The following CACNA2D3 variants were observed in gnomAD, a reference collection of about 807,000 sequenced individuals.
CACNA2D3 encodes voltage-dependent calcium channel subunit alpha-2/delta-3.
CACNA2D3 carries 60 observed loss-of-function variants against 160.6 expected under a neutral mutation model. The observed-to-expected ratio is 0.37, with a 90% CI of 0.30 to 0.46. The LOEUF (loss-of-function observed/expected upper bound fraction) is 0.46. Ranked by LOEUF, CACNA2D3 falls within the 20% of genes least tolerant of loss-of-function variation. The pLI, the probability that CACNA2D3 is intolerant of heterozygous loss-of-function variation, is 1.00. For missense variants in CACNA2D3, 1,205 were observed against 1,365.0 expected, an observed-to-expected ratio of 0.88 and a Z score of 1.85; for synonymous variants, 558 against 492.9, an observed-to-expected ratio of 1.13 and a Z score of -1.75.
chr3:54,210,746 T>G (rs1205772914), intron 2 of CACNA2D3, among the ~76,000 whole-genome samples: 1 of 152,182 alleles, frequency 6.6e-6, no homozygotes, highest in Non-Finnish European at 1.5e-5. Context: ...TGTTGTTCAT[T>G]GTTCCCCTGA....
chr3:54,360,158 T>C (rs1230680971), intron 3 of CACNA2D3, among the ~76,000 whole-genome samples: 1 of 152,214 alleles, frequency 6.6e-6, no homozygotes, highest in African/African-American at 2.4e-5. Context: ...GTATCATCTT[T>C]GCACTGAAAC....
intron 3 of CACNA2D3, among the ~76,000 whole-genome samples, chr3:54,377,516 A>G (rs931212688): frequency 6.6e-6 from 1 of 152,188 alleles, no homozygotes; most frequent in African/African-American, 2.4e-5. Flanking sequence ...CCCTGTCTTA[A>G]TAATATTTTA....
intron 14 of CACNA2D3, among the ~76,000 whole-genome samples, chr3:54,818,070 A>G (rs2106715865): frequency 6.6e-6 from 1 of 152,320 alleles, no homozygotes; most frequent in South Asian, 2.1e-4. Flanking sequence ...TCTCTGCCTA[A>G]AAATGGACCA....
intron 9 of CACNA2D3, among the ~76,000 whole-genome samples, chr3:54,596,222 C>G (rs1702951722): frequency 6.6e-6 from 1 of 152,046 alleles, no homozygotes; most frequent in Non-Finnish European, 1.5e-5. Flanking sequence ...CCCCCCATAT[C>G]TAGTCTAGCT....
At chr3:54,391,007 A>AT in intron 4 of CACNA2D3, among the ~76,000 whole-genome samples, 1 of 149,338 alleles carries the variant, frequency 6.7e-6, no homozygotes, top group South Asian at 2.1e-4. Flanking sequence ...TCATACTGAA[A>AT]AATAAAAAGT....
chr3:54,463,932 T>C (rs1036539113), intron 4 of CACNA2D3, among the ~76,000 whole-genome samples: 16 of 152,172 alleles, frequency 1.1e-4, no homozygotes, highest in Admixed American at 9.2e-4. Flanking sequence ...ATGATGGCGA[T>C]GTACAGATGG....
chr3:54,539,897 C>T (rs1701945363), intron 5 of CACNA2D3, among the ~76,000 whole-genome samples: 1 of 152,258 alleles, frequency 6.6e-6, no homozygotes, highest in Admixed American at 6.5e-5. Context: ...TGCTGACGAG[C>T]AGGCCCTGCT....
At chr3:54,500,594 CTCTT>C (rs1701278997) in intron 4 of CACNA2D3, among the ~76,000 whole-genome samples, 1 of 143,902 alleles carries the variant, frequency 6.9e-6, no homozygotes, top group Non-Finnish European at 1.5e-5. Context: ...TTCTTTCTTT[CTCTT>C]TTTCTTTCCT....
chr3:54,676,659 G>A (rs1049169932), intron 11 of CACNA2D3, among the ~76,000 whole-genome samples: 10 of 152,202 alleles, frequency 6.6e-5, no homozygotes, highest in South Asian at 4.1e-4. Context: ...CCAGTGAGCA[G>A]AGACTGAATC....
intron 4 of CACNA2D3, among the ~76,000 whole-genome samples, chr3:54,391,839 G>T (rs75773882): frequency 6.6e-6 from 1 of 152,108 alleles, no homozygotes; most frequent in Non-Finnish European, 1.5e-5. Flanking sequence ...GTGGACACTG[G>T]TGTCAGTTCA....
At chr3:54,970,899 C>T (rs946013529) in intron 29 of CACNA2D3, among the ~76,000 whole-genome samples, 11 of 151,878 alleles carry the variant, frequency 7.2e-5, no homozygotes, top group Non-Finnish European at 1.6e-4. Context: ...TATTTATATT[C>T]CTTCTGCTTA....
chr3:54,927,893 A>G, intron 27 of CACNA2D3: 1 of 1,613,668 alleles, frequency 6.2e-7, no homozygotes, highest in South Asian at 1.1e-5. Context: ...ACGGGAATTG[A>G]TCAGGGCTCA....
In CACNA2D3 at chr3:54,891,404, C is replaced by G. The variant is rs776819421; in HGVS notation, c.2200C>G (p.Leu734Val). The change falls in exon 25 of 38, where the codon CTC becomes GTC. Residue 734 changes from leucine to valine, a missense_variant. Around this residue, in one of 3 missense-constraint regions of CACNA2D3, gnomAD observed 911 missense variants for 1,002.2 expected, o/e 0.91. Transcript: ENST00000474759. ...EVAFLGTRTG[L>V]SRINLFVGAE... ...TGCCTTCCTCGGCACTCGCACGGGC[C>G]TCTCCAGAATCAACCTGTTTGTCGG... The G allele has an allele frequency of 1.2e-6, 2 of 1,613,940 alleles. No individual in the cohort carries two copies. Among genetic ancestry groups the G allele is most frequent in the Non-Finnish European group, 1.7e-6 (2 of 1,179,876 alleles).
Position 54,232,505 on chromosome 3 carries a change from A to T in CACNA2D3, c.205-87937A>T, listed in dbSNP as rs181387626. 4.1e-3 allele frequency among the ~76,000 whole-genome samples: 632 copies of T among 152,292 alleles called. 4 individuals are homozygous for T. Among genetic ancestry groups the T allele is most frequent in the Middle Eastern group, 0.014 (4 of 294 alleles). ...AACACAACTATGAACTGAGTTTTTA[A>T]ACTCAAAAGGAAACGTTACAAGCGG... On this transcript the variant is annotated intron_variant, in intron 2 of 37. Transcript: ENST00000474759.
At chr3:54,406,164 G>T (rs917688472) in intron 4 of CACNA2D3, among the ~76,000 whole-genome samples, 1 of 152,012 alleles carries the variant, frequency 6.6e-6, no homozygotes, top group Non-Finnish European at 1.5e-5. Flanking sequence ...AAAATAGAAT[G>T]ACTGTATGAC....
chr3:54,649,201 A>G (rs1699713291), intron 11 of CACNA2D3, among the ~76,000 whole-genome samples: 1 of 152,168 alleles, frequency 6.6e-6, no homozygotes, highest in East Asian at 1.9e-4. Flanking sequence ...AGACTGGGAT[A>G]TCTTACATGG....
intron 2 of CACNA2D3, among the ~76,000 whole-genome samples, chr3:54,261,927 G>A (rs1702408093): frequency 6.6e-6 from 1 of 152,170 alleles, no homozygotes; most frequent in South Asian, 2.1e-4. Context: ...CCCCCCCATG[G>A]TGCCTGACTA....
intron 3 of CACNA2D3, among the ~76,000 whole-genome samples, chr3:54,338,991 G>C (rs995336577): frequency 6.6e-6 from 1 of 152,198 alleles, no homozygotes; most frequent in Non-Finnish European, 1.5e-5. Flanking sequence ...TTATTTCGCA[G>C]TCTATAGAAT....
At chr3:54,695,424 A>G (rs529292498) in intron 11 of CACNA2D3, among the ~76,000 whole-genome samples, 2 of 150,194 alleles carry the variant, frequency 1.3e-5, no homozygotes, top group South Asian at 2.1e-4. Context: ...ATCTTTGTGC[A>G]TATCACAAGT....
Sources: gnomAD v4.1 joint callset for allele counts (sites outside exome capture counted in the v4.1 genomes callset) on GRCh38, gnomAD v4.1.1 for gene constraint, gnomAD v4.1.1 regional missense constraint, MANE v1.5 for transcripts, NCBI Gene and HGNC (gene_info 2026-07-23, HGNC 2026-07-21) for gene names.